Variants in MAP2 observed in about 807,000 individuals in gnomAD.
MAP2 encodes the protein microtubule associated protein 2.
In MAP2, 14 loss-of-function variants were observed where a neutral mutation model predicts 137.6. The ratio of observed to expected loss-of-function variants is 0.10; its 90% confidence interval spans 0.07 to 0.16. The LOEUF (loss-of-function observed/expected upper bound fraction) is 0.16, where lower values mean the gene tolerates loss of function less well. Ranked by LOEUF, MAP2 falls within the 10% of genes least tolerant of loss-of-function variation. The pLI is 1.00. For missense variants in MAP2, 2,088 were observed against 2,191.5 expected (o/e 0.95, Z 0.94); for synonymous variants, 786 against 782.3 (o/e 1.00, Z -0.08).
intron 5 of MAP2, among the ~76,000 whole-genome samples, chr2:209,671,960 G>T (rs527521566): frequency 6.9e-5 from 10 of 144,666 alleles, no homozygotes; most frequent in Non-Finnish European, 1.3e-4. Context: ...CATTGAAAAA[G>T]TTTCATCTCC....
At chr2:209,489,103 A>G (rs1400300601) in intron 1 of MAP2, among the ~76,000 whole-genome samples, 1 of 152,196 alleles carries the variant, frequency 6.6e-6, no homozygotes, top group East Asian at 1.9e-4. Context: ...GCAGTCAGCA[A>G]TCTTTACTGT....
At chr2:209,527,539 T>C (rs781552629) in intron 2 of MAP2, among the ~76,000 whole-genome samples, 11 of 152,126 alleles carry the variant, frequency 7.2e-5, no homozygotes, top group Non-Finnish European at 1.6e-4. Flanking sequence ...CCCATCCCAC[T>C]AGCAGCTTTC....
At chr2:209,670,220 A>G (rs1485904730) in intron 5 of MAP2, among the ~76,000 whole-genome samples, 2 of 152,040 alleles carry the variant, frequency 1.3e-5, no homozygotes, top group African/African-American at 4.8e-5. Flanking sequence ...AACCTTAGTT[A>G]ATTAGTAAAT....
chr2:209,465,456 GAC>G (rs1255035158), intron 1 of MAP2, among the ~76,000 whole-genome samples: 2 of 151,948 alleles, frequency 1.3e-5, no homozygotes, highest in African/African-American at 4.8e-5. Context: ...GTAAGAGGAG[GAC>G]ACACAAAATA....
chr2:209,608,287 G>C (rs1483372152), intron 3 of MAP2, among the ~76,000 whole-genome samples: 1 of 150,096 alleles, frequency 6.7e-6, no homozygotes, highest in Admixed American at 6.6e-5. Context: ...TTTCTCCTTG[G>C]AATCTTTTTT....
chr2:209,680,405 T>G (rs1376292449), intron 6 of MAP2, among the ~76,000 whole-genome samples: 3 of 152,180 alleles, frequency 2.0e-5, no homozygotes, highest in African/African-American at 4.8e-5. Flanking sequence ...CTGTGTGTGT[T>G]TTCATATGGT....
intron 5 of MAP2, among the ~76,000 whole-genome samples, chr2:209,667,363 T>G (rs1273509181): frequency 2.0e-5 from 3 of 151,992 alleles, no homozygotes; most frequent in Admixed American, 2.0e-4. Context: ...CAAACTCACA[T>G]AAAATATTTT....
intron 3 of MAP2, among the ~76,000 whole-genome samples, chr2:209,586,851 G>A (rs977378382): frequency 2.0e-5 from 3 of 152,148 alleles, no homozygotes; most frequent in African/African-American, 7.2e-5. Flanking sequence ...GAAATGATTG[G>A]AGGAGTGGTT....
At chr2:209,435,941 TA>T (rs1695865021) in intron 1 of MAP2, among the ~76,000 whole-genome samples, 1 of 142,116 alleles carries the variant, frequency 7.0e-6, no homozygotes, top group East Asian at 2.0e-4. Context: ...ATATATATAA[TA>T]TATACTATAT....
intron 5 of MAP2, among the ~76,000 whole-genome samples, chr2:209,672,668 G>C (rs1161764339): frequency 6.6e-6 from 1 of 151,742 alleles, no homozygotes; most frequent in South Asian, 2.1e-4. Context: ...GTCTAAATGG[G>C]ACAAGCATAT....
chr2:209,502,765 A>G (rs1387413808), intron 1 of MAP2, among the ~76,000 whole-genome samples: 1 of 151,998 alleles, frequency 6.6e-6, no homozygotes, highest in Non-Finnish European at 1.5e-5. Flanking sequence ...TATCTTCTTA[A>G]TGATAGCCAT....
In MAP2 at chr2:209,658,806, C is replaced by T. The variant is rs979928292; in HGVS notation, c.262+5374C>T. On this transcript the variant is annotated intron_variant, in intron 5 of 15. Coordinates refer to ENST00000682079, the MANE Select transcript of MAP2 (RefSeq NM_001375505.1). Reference sequence around the variant, plus strand: ...ACAGGCGTGAGCCACTGCGCCCGGCCGAGAGGAAAAAATTTTCTAATTTCT... The same window carrying T: ...ACAGGCGTGAGCCACTGCGCCCGGCTGAGAGGAAAAAATTTTCTAATTTCT... Among the ~76,000 whole-genome samples, 27 of 152,058 alleles carry T rather than the reference C, an allele frequency of 1.8e-4. No homozygotes were observed. The East Asian group carries it at 3.9e-3, about 22-fold the overall frequency.
intron 2 of MAP2, among the ~76,000 whole-genome samples, chr2:209,516,275 A>C (rs1475518657): frequency 7.1e-6 from 1 of 140,834 alleles, no homozygotes; most frequent in African/African-American, 3.0e-5. Flanking sequence ...GATCTTCAGA[A>C]TGATAAAGAG....
intron 3 of MAP2, among the ~76,000 whole-genome samples, chr2:209,596,383 A>G (rs527686068): frequency 8.9e-4 from 136 of 152,346 alleles, no homozygotes; most frequent in African/African-American, 2.5e-3. Flanking sequence ...TGATGCATCT[A>G]CAATTAGATA....
chr2:209,446,826 AC>A (rs35755470), intron 1 of MAP2, among the ~76,000 whole-genome samples: 32,228 of 151,704 alleles, frequency 0.21, 4,046 homozygotes, highest in South Asian at 0.3. Context: ...TAAATAGAGT[AC>A]CTTTGGCCCT....
intron 12 of MAP2, among the ~76,000 whole-genome samples, chr2:209,708,829 G>A (rs927148026): frequency 4.6e-5 from 7 of 152,054 alleles, no homozygotes; most frequent in East Asian, 1.9e-4. Flanking sequence ...TGGCTTAGAC[G>A]TTAGTAGCAT....
In MAP2 at chr2:209,732,343, C is replaced by T. The variant is rs964167938; in HGVS notation, c.*1946C>T. The stretch of plus-strand genomic sequence containing the variant: ...ATACAAGAAACCCTAGGAGCAAACC[C>T]ACACCACTCATTCTCAGCTAAGAGA... On this transcript the variant is annotated 3_prime_UTR_variant, in exon 16 of 16. Coordinates refer to ENST00000682079, the MANE Select transcript of MAP2 (RefSeq NM_001375505.1). The T allele has an allele frequency of 2.6e-5, 4 of 152,212 alleles. No individual in the cohort carries two copies. The highest frequency in any genetic ancestry group is 9.6e-5 in the African/African-American group (4 of 41,458). The allele number at this position is 152,212 out of a possible 1,614,324, so 9.4% of individuals were successfully genotyped here.
chr2:209,644,623 A>G lies in MAP2; in HGVS notation c.-29-8519A>G, dbSNP rs188285995. ...GAGGTGGAGGTTGCAGTGAGCCAAG[A>G]TGGAACCACTGCACTCTAGCCTGGG... On this transcript the variant is annotated intron_variant, in intron 4 of 15. Transcript: ENST00000682079. 1.6e-4 allele frequency among the ~76,000 whole-genome samples: 24 copies of G among 148,204 alleles called. No homozygotes were observed. The East Asian group carries it at 5.1e-3, about 32-fold the overall frequency.
chr2:209,675,253 T>A (rs533954967), intron 5 of MAP2, among the ~76,000 whole-genome samples: 2 of 151,980 alleles, frequency 1.3e-5, no homozygotes, highest in South Asian at 4.1e-4. Context: ...TTTTAACAAC[T>A]TTTGGTTAAA....
Sources: gnomAD v4.1 joint callset for allele counts (sites outside exome capture counted in the v4.1 genomes callset) on GRCh38, gnomAD v4.1.1 for gene constraint, MANE v1.5 for transcripts, NCBI Gene and HGNC (gene_info 2026-07-23, HGNC 2026-07-21) for gene names.